Variants in CNTN1 observed in about 807,000 individuals in gnomAD.
CNTN1 encodes the protein contactin 1.
Under a neutral mutation model 126.4 loss-of-function variants are expected in CNTN1, and 38 were observed. The observed-to-expected ratio is 0.30, with a 90% CI of 0.23 to 0.39. The LOEUF (loss-of-function observed/expected upper bound fraction) is 0.39, where lower values mean the gene tolerates loss of function less well. CNTN1 is among the 10% of genes least tolerant of loss of function. The pLI is 1.00. For missense variants in CNTN1, 1,009 were observed against 1,248.4 expected (o/e 0.81, Z 2.89); for synonymous variants, 413 against 422.6 (o/e 0.98, Z 0.28).
chr12:40,990,131 T>C (rs1210850653), intron 16 of CNTN1, among the ~76,000 whole-genome samples: 1 of 152,198 alleles, frequency 6.6e-6, no homozygotes, highest in Non-Finnish European at 1.5e-5. Context: ...TGAGGGGATA[T>C]TATAACTATC....
Position 40,933,817 on chromosome 12 carries a change from T to C in CNTN1, c.924T>C (p.Tyr308=). ...TTCAGCTAGAAGATGAAGGCATCTA[T>C]GAATGTGAGGCTGAGAACATTAGAG... is the stretch of plus-strand genomic sequence containing the variant. The part of the protein sequence containing the change: ...FNIQLEDEGI[Y]ECEAENIRGK... The change falls in exon 9 of 24, where the codon TAT becomes TAC. Residue 308 remains tyrosine (Y), a synonymous_variant. Transcript: ENST00000551295. The C allele has an allele frequency of 6.2e-7, 1 of 1,612,664 alleles. No homozygotes were observed. Among genetic ancestry groups the C allele is most frequent in the Non-Finnish European group, 8.5e-7 (1 of 1,179,010 alleles).
intron 23 of CNTN1, among the ~76,000 whole-genome samples, chr12:41,049,727 G>A (rs553230988): frequency 6.6e-6 from 1 of 152,242 alleles, no homozygotes; most frequent in Admixed American, 6.5e-5. Context: ...CTTCCTATCT[G>A]AGAAGGGGAC....
intron 1 of CNTN1, among the ~76,000 whole-genome samples, chr12:40,903,161 G>A (rs1396596140): frequency 6.6e-6 from 1 of 152,164 alleles, no homozygotes; most frequent in African/African-American, 2.4e-5. Flanking sequence ...AGCTGCATGA[G>A]GTTGTGAGAT....
chr12:40,906,589 T>C (rs936752683), intron 1 of CNTN1, among the ~76,000 whole-genome samples: 3 of 152,098 alleles, frequency 2.0e-5, no homozygotes, highest in Admixed American at 2.0e-4. Flanking sequence ...GATTTTAATG[T>C]TGCTGTTTTA....
chr12:41,035,805 G>A (rs1949246336), intron 23 of CNTN1, among the ~76,000 whole-genome samples: 1 of 152,096 alleles, frequency 6.6e-6, no homozygotes, highest in Non-Finnish European at 1.5e-5. Context: ...GTGTAGTGAG[G>A]ATACAGAGTC....
At chr12:40,860,103 GA>G (rs1456861540) in intron 1 of CNTN1, among the ~76,000 whole-genome samples, 1 of 151,980 alleles carries the variant, frequency 6.6e-6, no homozygotes, top group Admixed American at 6.6e-5. Context: ...ATATTGATCA[GA>G]AATCGGATTT....
intron 1 of CNTN1, among the ~76,000 whole-genome samples, chr12:40,835,799 TACACACAC>T (rs10556497): frequency 0.059 from 8,478 of 142,496 alleles, 301 homozygotes; most frequent in Middle Eastern, 0.1. Flanking sequence ...ATGCTATTTA[TACACACAC>T]ACACACACAC....
intron 1 of CNTN1, among the ~76,000 whole-genome samples, chr12:40,879,392 A>C (rs956860594): frequency 2.6e-5 from 4 of 152,148 alleles, no homozygotes; most frequent in African/African-American, 9.7e-5. Flanking sequence ...CAAATATTCT[A>C]AGAAAACAAC....
chr12:40,701,786 C>T (rs541003384), intron 1 of CNTN1, among the ~76,000 whole-genome samples: 1 of 152,126 alleles, frequency 6.6e-6, no homozygotes, highest in Non-Finnish European at 1.5e-5. Context: ...TGGTAATGAA[C>T]CTAAGACATC....
At chr12:40,813,501 G>A (rs554095910) in intron 1 of CNTN1, among the ~76,000 whole-genome samples, 29 of 145,338 alleles carry the variant, frequency 2.0e-4, no homozygotes, top group African/African-American at 7.4e-4. Context: ...AACCTCATCC[G>A]TCTCCCTGCA....
chr12:40,912,598 TTATGA>T (rs1945080860), intron 3 of CNTN1, among the ~76,000 whole-genome samples: 1 of 152,106 alleles, frequency 6.6e-6, no homozygotes, highest in African/African-American at 2.4e-5. Context: ...ACATTTAGAG[TTATGA>T]TATGACTGTA....
intron 1 of CNTN1, among the ~76,000 whole-genome samples, chr12:40,755,537 T>G (rs1938574639): frequency 6.6e-6 from 1 of 151,598 alleles, no homozygotes; most frequent in South Asian, 2.1e-4. Flanking sequence ...CATAGTGAGA[T>G]CCTCTCTCTA....
chr12:40,848,890 C>T (rs1325515312), intron 1 of CNTN1, among the ~76,000 whole-genome samples: 1 of 150,290 alleles, frequency 6.7e-6, no homozygotes, highest in Non-Finnish European at 1.5e-5. Context: ...CACTTCTTTC[C>T]CTATGGATTA....
At chr12:40,847,196 C>T (rs1942542116) in intron 1 of CNTN1, among the ~76,000 whole-genome samples, 1 of 152,020 alleles carries the variant, frequency 6.6e-6, no homozygotes, top group Non-Finnish European at 1.5e-5. Context: ...GCTACTTCTG[C>T]TTCCTTTTTG....
intron 1 of CNTN1, among the ~76,000 whole-genome samples, chr12:40,750,067 A>G (rs1314401019): frequency 1.3e-5 from 2 of 152,078 alleles, no homozygotes; most frequent in African/African-American, 4.8e-5. Context: ...TGTTAAGAAG[A>G]TAAGCCTGAT....
intron 16 of CNTN1, among the ~76,000 whole-genome samples, chr12:40,986,812 G>A (rs567402853): frequency 5.7e-4 from 87 of 152,148 alleles, no homozygotes; most frequent in African/African-American, 2.1e-3. Flanking sequence ...CATGATGAAG[G>A]CCTATGAAAA....
chr12:41,027,598 C>G lies in CNTN1; in HGVS notation c.2711-259C>G, dbSNP rs2041937434. Among the ~76,000 whole-genome samples, 2 of 151,976 alleles carry G rather than the reference C, an allele frequency of 1.3e-5. 1 individual carries two copies. The highest frequency in any genetic ancestry group is 1.3e-4 in the Admixed American group (2 of 15,254). ...CCTTGCAAATAGCAATTTCAAAAGA[C>G]TAGTGGAGAAAGAAACCCAAGTGGA... is the stretch of plus-strand genomic sequence containing the variant. On this transcript the variant is annotated intron_variant, in intron 21 of 23. Coordinates refer to ENST00000551295, the MANE Select transcript of CNTN1 (RefSeq NM_001843.4).
intron 1 of CNTN1, among the ~76,000 whole-genome samples, chr12:40,845,033 T>C (rs1942448708): frequency 6.6e-6 from 1 of 152,196 alleles, no homozygotes. Context: ...GGAAGAGTAA[T>C]GTTGAAAGAA....
At chr12:40,726,090 T>G (rs538312693) in intron 1 of CNTN1, among the ~76,000 whole-genome samples, 1 of 152,200 alleles carries the variant, frequency 6.6e-6, no homozygotes, top group African/African-American at 2.4e-5. Context: ...CTTTGTTTAA[T>G]GACTAGGGAG....
Sources: gnomAD v4.1 joint callset for allele counts (sites outside exome capture counted in the v4.1 genomes callset) on GRCh38, gnomAD v4.1.1 for gene constraint, MANE v1.5 for transcripts, NCBI Gene and HGNC (gene_info 2026-07-23, HGNC 2026-07-21) for gene names.